The following FAT3 variants were observed in gnomAD, a reference collection of about 807,000 sequenced individuals.
The protein encoded by FAT3 is FAT atypical cadherin 3, also known as protocadherin Fat 3.
In FAT3, 95 loss-of-function variants were observed where a neutral mutation model predicts 310.2. The ratio of observed to expected loss-of-function variants is 0.31; its 90% CI spans 0.26 to 0.36. FAT3 has a LOEUF of 0.36. Ranked by LOEUF, FAT3 falls within the 10% of genes least tolerant of loss-of-function variation. The pLI is 1.00. For missense variants in FAT3, 5,408 were observed against 5,715.6 expected (o/e 0.95, Z 1.74); for synonymous variants, 2,314 against 2,192.9 (o/e 1.06, Z -1.54).
chr11:92,244,068 ATC>A (rs1864786236), intron 1 of FAT3, among the ~76,000 whole-genome samples: 2 of 152,064 alleles, frequency 1.3e-5, no homozygotes, highest in South Asian at 4.1e-4. Context: ...CAGAGTCAGA[ATC>A]TCTTTTTTGT....
At chr11:92,525,288 G>T (rs1953820229) in intron 3 of FAT3, among the ~76,000 whole-genome samples, 1 of 152,120 alleles carries the variant, frequency 6.6e-6, no homozygotes, top group Non-Finnish European at 1.5e-5. Flanking sequence ...TGGATTCTAT[G>T]AGCAAGCTGG....
intron 13 of FAT3, among the ~76,000 whole-genome samples, chr11:92,815,134 A>C (rs1947789502): frequency 6.6e-6 from 1 of 152,170 alleles, no homozygotes. Flanking sequence ...AGAAATAATG[A>C]ATTTGGAGTT....
chr11:92,561,260 TGTGTGTGTGTGTGTGTGTG>T (rs1488460920), intron 3 of FAT3, among the ~76,000 whole-genome samples: 5 of 32,984 alleles, frequency 1.5e-4, no homozygotes, highest in African/African-American at 3.8e-4. Context: ...CGTGTGTGTG[TGTGTGTGTGTGTGTGTGTG>T]TGTGTGTGTG....
chr11:92,817,579 G>T (rs755758411), intron 13 of FAT3, among the ~76,000 whole-genome samples: 1 of 152,164 alleles, frequency 6.6e-6, no homozygotes, highest in Non-Finnish European at 1.5e-5. Context: ...TCATGAGAGA[G>T]ATAGCGTCTT....
intron 15 of FAT3, 140 bp from the exon 16 acceptor site, chr11:92,836,426 C>T (rs544241643): frequency 7.2e-5 from 59 of 818,962 alleles, no homozygotes; most frequent in Admixed American, 1.4e-4. Context: ...CTGCTGGGGG[C>T]GTGGTCACTA....
intron 2 of FAT3, among the ~76,000 whole-genome samples, chr11:92,378,676 G>GT: frequency 6.6e-6 from 1 of 152,088 alleles, no homozygotes; most frequent in Non-Finnish European, 1.5e-5. Flanking sequence ...TTTGGTGTTT[G>GT]TCTTAGTCCA....
intron 1 of FAT3, among the ~76,000 whole-genome samples, chr11:92,334,772 C>G (rs1948012657): frequency 6.6e-6 from 1 of 152,150 alleles, no homozygotes; most frequent in Non-Finnish European, 1.5e-5. Context: ...ATGGAAGATG[C>G]CAGTTGAAAC....
chr11:92,869,116 C>G (rs1344556694), intron 22 of FAT3, among the ~76,000 whole-genome samples: 1 of 152,192 alleles, frequency 6.6e-6, no homozygotes, highest in Non-Finnish European at 1.5e-5. Context: ...GAAATAGCCT[C>G]TTATCAGTTC....
At chr11:92,624,272 CT>C (rs766708264) in intron 3 of FAT3, among the ~76,000 whole-genome samples, 4 of 152,140 alleles carry the variant, frequency 2.6e-5, no homozygotes, top group Non-Finnish European at 5.9e-5. Flanking sequence ...AAAAACATTC[CT>C]TTGCAGAGGT....
chr11:92,591,251 G>A (rs1216317872), intron 3 of FAT3, among the ~76,000 whole-genome samples: 1 of 152,108 alleles, frequency 6.6e-6, no homozygotes, highest in African/African-American at 2.4e-5. Context: ...TTAGGCTGAA[G>A]TTTAATATCC....
At chr11:92,555,418 AT>A (rs1206845094) in intron 3 of FAT3, among the ~76,000 whole-genome samples, 3 of 152,188 alleles carry the variant, frequency 2.0e-5, no homozygotes, top group African/African-American at 7.2e-5. Context: ...AGCTGTGGTT[AT>A]TTGAAGATGT....
chr11:92,613,719 C>CT (rs1478757128), intron 3 of FAT3, among the ~76,000 whole-genome samples: 19 of 152,204 alleles, frequency 1.2e-4, no homozygotes, highest in African/African-American at 4.6e-4. Flanking sequence ...GGAAGCTGAT[C>CT]ATTGGTGTTT....
intron 1 of FAT3, among the ~76,000 whole-genome samples, chr11:92,267,217 C>T (rs930478233): frequency 2.0e-5 from 3 of 152,068 alleles, no homozygotes; most frequent in Admixed American, 6.6e-5. Context: ...GGGGCAAAGA[C>T]AAGTTCTTAT....
chr11:92,747,775 C>T (rs1160059869), intron 4 of FAT3, among the ~76,000 whole-genome samples: 1 of 152,196 alleles, frequency 6.6e-6, no homozygotes, highest in Non-Finnish European at 1.5e-5. Context: ...CAAAATGCCA[C>T]CAGTCTCTTT....
intron 4 of FAT3, among the ~76,000 whole-genome samples, chr11:92,731,175 T>C (rs1405476550): frequency 1.3e-5 from 2 of 152,346 alleles, no homozygotes; most frequent in South Asian, 2.1e-4. Context: ...AGGAAGTTCA[T>C]TGATGTTTTG....
At chr11:92,294,570 A>T (rs1418233075) in intron 1 of FAT3, among the ~76,000 whole-genome samples, 1 of 152,074 alleles carries the variant, frequency 6.6e-6, no homozygotes, top group Non-Finnish European at 1.5e-5. Context: ...TTGAGAGACA[A>T]GTATAGGTGT....
intron 1 of FAT3, among the ~76,000 whole-genome samples, chr11:92,342,038 C>T (rs1271012413): frequency 6.6e-6 from 1 of 152,044 alleles, no homozygotes; most frequent in Non-Finnish European, 1.5e-5. Context: ...TCTTGGGGGA[C>T]GTTTAGCCAA....
rs750413527 is a variant in FAT3 at position 92,801,190 on chromosome 11, C to G, written c.8177C>G (p.Thr2726Arg). The G allele has an allele frequency of 4.3e-6, 7 of 1,613,826 alleles. No homozygotes were observed. Among genetic ancestry groups the G allele is most frequent in the African/African-American group, 1.3e-5 (1 of 75,002 alleles). Residue 2726 changes from threonine to arginine, a missense_variant, in exon 10 of 28, where the codon ACA (threonine) becomes AGA (arginine). Transcript: ENST00000525166. ...GCAGAAGATACAGCCATTGGGAGTA[C>G]AGTGGACACCCTGAGGATTTTGCCC... ...TIAEDTAIGS[T>R]VDTLRILPSQ...
chr11:92,650,626 A>G (rs1053674930), intron 3 of FAT3, among the ~76,000 whole-genome samples: 2 of 152,124 alleles, frequency 1.3e-5, no homozygotes, highest in African/African-American at 4.8e-5. Context: ...ATTGCAGCCA[A>G]TTTCAAGCTA....
Sources: gnomAD v4.1 joint callset for allele counts (sites outside exome capture counted in the v4.1 genomes callset) on GRCh38, gnomAD v4.1.1 for gene constraint, MANE v1.5 for transcripts, NCBI Gene and HGNC (gene_info 2026-07-23, HGNC 2026-07-21) for gene names.